Variants in BUB1B observed in about 807,000 individuals in gnomAD.
BUB1B encodes the protein mitotic checkpoint serine/threonine-protein kinase BUB1 beta.
BUB1B carries 86 observed loss-of-function variants against 137.7 expected under a neutral mutation model. The observed-to-expected ratio is 0.62, with a 90% CI of 0.52 to 0.75. The LOEUF is 0.75. Ranked by LOEUF, BUB1B falls within the 30% of genes least tolerant of loss-of-function variation. The pLI is 0.00. For missense variants in BUB1B, 1,130 were observed against 1,236.9 expected, an observed-to-expected ratio of 0.91 and a Z score of 1.30; for synonymous variants, 420 against 417.9, an observed-to-expected ratio of 1.00 and a Z score of -0.06.
chr15:40,168,922 T>C (rs957826939), intron 2 of BUB1B, among the ~76,000 whole-genome samples: 2 of 152,246 alleles, frequency 1.3e-5, no homozygotes, highest in African/African-American at 4.8e-5. Flanking sequence ...TACCTCCTTT[T>C]GACTTAAAGC....
chr15:40,188,181 G>C (rs1403340018), intron 8 of BUB1B, among the ~76,000 whole-genome samples: 1 of 152,076 alleles, frequency 6.6e-6, no homozygotes, highest in Non-Finnish European at 1.5e-5. Context: ...CTGAGTAGCT[G>C]GGATTACAGG....
At position 40,185,186 on chromosome 15, in the gene BUB1B, T is replaced by TC; in HGVS notation, c.775dup (p.Gln259ProfsTer11). 1 of 1,614,096 alleles carries TC rather than the reference T, an allele frequency of 6.2e-7. No individual in the cohort carries two copies. ...CTAGCTCCAAGCCAGAACAGAGGAC[T>TC]CCAAAATCCATTTCCTCAACAGATG... On this transcript the variant is annotated frameshift_variant, in exon 7 of 23. Transcript: ENST00000287598. LOFTEE classifies it high-confidence loss of function.
chr15:40,191,930 A>C (rs79489366), intron 8 of BUB1B, among the ~76,000 whole-genome samples: 2,198 of 152,270 alleles, frequency 0.014, 58 homozygotes, highest in African/African-American at 0.05. Context: ...AGAAGGATGA[A>C]TCCAACTTTG....
chr15:40,220,094 A>G (rs560979476), intron 22 of BUB1B, among the ~76,000 whole-genome samples: 1 of 152,310 alleles, frequency 6.6e-6, no homozygotes, highest in South Asian at 2.1e-4. Context: ...TCTCTGATCA[A>G]AAGAAAATAA....
chr15:40,164,940 A>G (rs1349997564), intron 1 of BUB1B, 113 bp from the exon 2 acceptor site: 4 of 1,314,652 alleles, frequency 3.0e-6, no homozygotes, highest in East Asian at 2.4e-5. Flanking sequence ...GTGTCAGTCC[A>G]CTATATTCAA....
chr15:40,176,103 C>T (rs1435558756), intron 4 of BUB1B, among the ~76,000 whole-genome samples: 4 of 152,164 alleles, frequency 2.6e-5, no homozygotes, highest in African/African-American at 4.8e-5. Flanking sequence ...CGCCTTCCAC[C>T]ATGCCCAGCT....
chr15:40,180,251 C>CTTT lies in BUB1B; in HGVS notation c.582-3445_582-3443dup, dbSNP rs34300396. On this transcript the variant is annotated intron_variant, in intron 5 of 22. Transcript: ENST00000287598. Reference sequence around the variant, plus strand: ...AGAATTCTGGGTCAACGTTTCGTTTCTTTTTTTTTTTTTTTTTTTTGAGAT... The same window carrying CTTT: ...AGAATTCTGGGTCAACGTTTCGTTTCTTTTTTTTTTTTTTTTTTTTTTTGAGAT... 2.9e-3 allele frequency among the ~76,000 whole-genome samples: 258 copies of CTTT among 90,474 alleles called. 7 individuals are homozygous for CTTT. Among genetic ancestry groups the CTTT allele is most frequent in the Non-Finnish European group, 3.2e-3 (152 of 46,778 alleles). The allele number at this position is 90,474 out of a possible 152,430, so 59.4% of individuals were successfully genotyped here.
At position 40,205,744 on chromosome 15, in the gene BUB1B, A is replaced by G. The variant is rs181198008; in HGVS notation, c.1735-440A>G. ...ATGCTACAGTTTCACTGGTTGTAAAACTGCTTTTCAAATGCATAGAATATG... is the reference window on the plus strand; with the variant it reads ...ATGCTACAGTTTCACTGGTTGTAAAGCTGCTTTTCAAATGCATAGAATATG... On this transcript the variant is annotated intron_variant, in intron 14 of 22. Coordinates refer to ENST00000287598, the MANE Select transcript of BUB1B (RefSeq NM_001211.6). Among the ~76,000 whole-genome samples, 628 of 152,336 alleles carry G rather than the reference A, an allele frequency of 4.1e-3. 3 individuals are homozygous for G. Among genetic ancestry groups the G allele is most frequent in the Non-Finnish European group, 7.2e-3 (491 of 68,028 alleles).
rs777147964 is a variant in BUB1B, at chr15:40,170,686, GTCTT to G, written c.384+9_384+12del. 10 of 1,613,018 alleles carry G rather than the reference GTCTT, an allele frequency of 6.2e-6. No homozygotes were observed. Among genetic ancestry groups the G allele is most frequent in the Non-Finnish European group, 8.5e-6 (10 of 1,179,346 alleles). On this transcript the variant is annotated splice_donor_region_variant and intron_variant, in intron 4 of 22. Coordinates refer to ENST00000287598, the MANE Select transcript of BUB1B (RefSeq NM_001211.6). ...CTCAATCTCTGGCTTAAATTAGTAAGTCTTTCTCAAGTGCCATCTGAGTTTTAAA... is the reference window on the plus strand; with the variant it reads ...CTCAATCTCTGGCTTAAATTAGTAAGTCTCAAGTGCCATCTGAGTTTTAAA...
At chr15:40,212,242 T>C (rs1057443541) in intron 18 of BUB1B, among the ~76,000 whole-genome samples, 1 of 152,238 alleles carries the variant, frequency 6.6e-6, no homozygotes, top group Non-Finnish European at 1.5e-5. Context: ...AAAATAGCCT[T>C]GTAGTGTAAA....
At position 40,196,790 on chromosome 15, in the gene BUB1B, G is replaced by A. The variant is rs745525944; in HGVS notation, c.1288+16G>A. Reference sequence around the variant, plus strand: ...CAAAGGGAAGGTGTGTGTAATTCAAGTTTGTGAAGAGGACTTAACTTAGTT... The same window carrying A: ...CAAAGGGAAGGTGTGTGTAATTCAAATTTGTGAAGAGGACTTAACTTAGTT... On this transcript the variant is annotated intron_variant, in intron 9 of 22. Transcript: ENST00000287598. 1.3e-5 allele frequency: 21 copies of A among 1,611,270 alleles called. No individual in the cohort carries two copies. Among genetic ancestry groups the A allele is most frequent in the South Asian group, 7.7e-5 (7 of 91,014 alleles).
At chr15:40,211,695 T>A (rs887084896) in intron 18 of BUB1B, among the ~76,000 whole-genome samples, 2 of 152,270 alleles carry the variant, frequency 1.3e-5, no homozygotes, top group South Asian at 2.1e-4. Context: ...TGCCCTCTAG[T>A]CCAGAGCCCT....
At chr15:40,220,426 T>C (rs138875038) in intron 22 of BUB1B, 138 bp from the exon 23 acceptor site, 3 of 859,520 alleles carry the variant, frequency 3.5e-6, no homozygotes, top group Middle Eastern at 3.5e-4. Context: ...AAAGGACTAT[T>C]TGAATGATCT....
rs2037075611 is a variant in BUB1B at position 40,164,727 on chromosome 15, T to G, written c.36-326T>G. Among the ~76,000 whole-genome samples, 5 of 150,610 alleles carry G rather than the reference T, an allele frequency of 3.3e-5. No homozygotes were observed. The South Asian group carries it at 1.1e-3, about 32-fold the overall frequency. On this transcript the variant is annotated intron_variant, in intron 1 of 22. Transcript: ENST00000287598. ...TATGTTGCCCAGGCTGGTATCAAAC[T>G]CCTGGCTCAAGAAATCCTCCCACTT...
intron 17 of BUB1B, 90 bp downstream of exon 17, chr15:40,209,865 A>G (rs750746679): frequency 1.2e-4 from 188 of 1,515,276 alleles, no homozygotes; most frequent in Non-Finnish European, 2.1e-5. Context: ...GAGCACTGTA[A>G]ATATTCCTAG....
Position 40,176,001 on chromosome 15 carries a change from T to A in BUB1B, c.385-476T>A, listed in dbSNP as rs554653339. 7.8e-4 allele frequency among the ~76,000 whole-genome samples: 119 copies of A among 152,254 alleles called. 7 individuals are homozygous for A. Among genetic ancestry groups the A allele is most frequent in the Admixed American group, 3.3e-4 (5 of 15,288 alleles). On this transcript the variant is annotated intron_variant, in intron 4 of 22. Coordinates refer to ENST00000287598, the MANE Select transcript of BUB1B (RefSeq NM_001211.6). Reference sequence around the variant, plus strand: ...TCTCACTCTGTCACCCAGGCTAGAATGCAGTGGCACCATCATAGTTCACTG... The same window carrying A: ...TCTCACTCTGTCACCCAGGCTAGAAAGCAGTGGCACCATCATAGTTCACTG...
At chr15:40,204,416 T>G (rs2140903025) in intron 14 of BUB1B, among the ~76,000 whole-genome samples, 1 of 149,396 alleles carries the variant, frequency 6.7e-6, no homozygotes, top group Non-Finnish European at 1.5e-5. Flanking sequence ...TGCTTAATTG[T>G]TAAAGGAGTC....
At chr15:40,167,629 C>T (rs929839757) in intron 2 of BUB1B, among the ~76,000 whole-genome samples, 1 of 152,202 alleles carries the variant, frequency 6.6e-6, no homozygotes, top group Non-Finnish European at 1.5e-5. Context: ...GCATGAGCCA[C>T]TGCGTCCAGC....
intron 8 of BUB1B, among the ~76,000 whole-genome samples, chr15:40,193,435 T>C (rs483238): frequency 0.99 from 139,579 of 141,290 alleles, 69,017 homozygotes; most frequent in Non-Finnish European, 1. Flanking sequence ...ATGCTTACTA[T>C]CATCTTTTTT....
Sources: gnomAD v4.1 joint callset for allele counts (sites outside exome capture counted in the v4.1 genomes callset) on GRCh38, gnomAD v4.1.1 for gene constraint, MANE v1.5 for transcripts, NCBI Gene and HGNC (gene_info 2026-07-23, HGNC 2026-07-21) for gene names.